LRRC4C: variants seen among roughly 807,000 people sequenced by gnomAD.
LRRC4C encodes the protein leucine rich repeat containing 4C.
LRRC4C carries 5 observed loss-of-function variants against 33.6 expected under a neutral mutation model. The ratio of observed to expected loss-of-function variants is 0.15; its 90% CI spans 0.08 to 0.31. The LOEUF is 0.31. LRRC4C is among the 10% of genes least tolerant of loss of function. The pLI, the probability that LRRC4C is intolerant of heterozygous loss-of-function variation, is 1.00. For missense variants in LRRC4C, 560 were observed against 796.7 expected, an observed-to-expected ratio of 0.70 and a Z score of 3.58; for synonymous variants, 329 against 302.0, an observed-to-expected ratio of 1.09 and a Z score of -0.93.
intron 5 of LRRC4C, among the ~76,000 whole-genome samples, chr11:40,160,536 C>T (rs577504537): frequency 1.3e-5 from 2 of 152,176 alleles, no homozygotes; most frequent in South Asian, 4.1e-4. Context: ...AAGAGCATTG[C>T]CTGCAGAAGT....
chr11:41,307,328 T>C (rs1358841024), intron 1 of LRRC4C, among the ~76,000 whole-genome samples: 3 of 152,128 alleles, frequency 2.0e-5, no homozygotes, highest in Non-Finnish European at 4.4e-5. Context: ...TGTCGTTTAA[T>C]AACCATGGCA....
At chr11:41,185,398 A>G (rs976911839) in intron 1 of LRRC4C, among the ~76,000 whole-genome samples, 5 of 152,218 alleles carry the variant, frequency 3.3e-5, no homozygotes, top group African/African-American at 9.6e-5. Context: ...CAAAGTACAT[A>G]TCTCCAAAGA....
At chr11:40,653,616 C>T (rs1479693966) in intron 2 of LRRC4C, among the ~76,000 whole-genome samples, 1 of 152,142 alleles carries the variant, frequency 6.6e-6, no homozygotes, top group Admixed American at 6.5e-5. Flanking sequence ...GGAATTGAAA[C>T]TTATGTTTAA....
intron 5 of LRRC4C, among the ~76,000 whole-genome samples, chr11:40,168,458 C>T (rs1004090490): frequency 5.3e-5 from 8 of 152,136 alleles, no homozygotes; most frequent in Non-Finnish European, 7.4e-5. Flanking sequence ...TCAATGAATC[C>T]ACTTCACATC....
At position 40,936,056 on chromosome 11, in the gene LRRC4C, ATATATATAT is replaced by A. The variant is rs1565219369; in HGVS notation, c.-495-2342_-495-2334del. On this transcript the variant is annotated intron_variant, in intron 1 of 6. Transcript: ENST00000528697. Reference sequence around the variant, plus strand: ...TATATATATATATATATATATATATATATATATATAACATAGTTTGAACCTTAACTCTGT... The same window carrying A: ...TATATATATATATATATATATATATAAACATAGTTTGAACCTTAACTCTGT... 1.8e-3 allele frequency among the ~76,000 whole-genome samples: 173 copies of A among 97,710 alleles called. 2 individuals are homozygous for A. The highest frequency in any genetic ancestry group is 4.1e-3 in the African/African-American group (105 of 25,906). 64.1% of individuals were successfully genotyped at this position (97,710 alleles called of 152,430 possible).
At chr11:41,161,997 A>G (rs1944493147) in intron 1 of LRRC4C, among the ~76,000 whole-genome samples, 1 of 152,162 alleles carries the variant, frequency 6.6e-6, no homozygotes, top group African/African-American at 2.4e-5. Context: ...ATTTATTTCT[A>G]TAGGATTGGA....
chr11:41,413,513 T>A (rs1366381108), intron 1 of LRRC4C, among the ~76,000 whole-genome samples: 1 of 152,200 alleles, frequency 6.6e-6, no homozygotes, highest in Non-Finnish European at 1.5e-5. Context: ...TGACCATACA[T>A]AACTCTCTGA....
chr11:41,143,441 C>T (rs1240572764), intron 1 of LRRC4C, among the ~76,000 whole-genome samples: 1 of 152,082 alleles, frequency 6.6e-6, no homozygotes, highest in Non-Finnish European at 1.5e-5. Context: ...AGAAGGGCTC[C>T]TACTTTCAAA....
chr11:41,003,700 T>C (rs1353543148), intron 1 of LRRC4C, among the ~76,000 whole-genome samples: 1 of 151,848 alleles, frequency 6.6e-6, no homozygotes. Context: ...AGAGACATCA[T>C]GAGGTCATCT....
intron 3 of LRRC4C, among the ~76,000 whole-genome samples, chr11:40,382,338 T>C (rs1948914451): frequency 6.6e-6 from 1 of 151,666 alleles, no homozygotes; most frequent in Admixed American, 6.6e-5. Context: ...TAATTATTGA[T>C]GGCCTTTTCC....
intron 2 of LRRC4C, among the ~76,000 whole-genome samples, chr11:40,885,191 CATAA>C (rs1283572481): frequency 9.9e-5 from 15 of 152,046 alleles, no homozygotes; most frequent in African/African-American, 3.6e-4. Context: ...ATTCCAAATA[CATAA>C]ATAAACTTTT....
intron 2 of LRRC4C, among the ~76,000 whole-genome samples, chr11:40,684,631 A>T (rs1395758649): frequency 6.6e-6 from 1 of 152,020 alleles, no homozygotes; most frequent in African/African-American, 2.4e-5. Flanking sequence ...ATGCAAAAAA[A>T]GTAAAAATAA....
intron 2 of LRRC4C, among the ~76,000 whole-genome samples, chr11:40,863,688 CAGA>C (rs1257440823): frequency 6.6e-6 from 1 of 152,118 alleles, no homozygotes; most frequent in African/African-American, 2.4e-5. Context: ...GCAAATCTGA[CAGA>C]AGAATAAAGC....
At chr11:41,035,846 T>C (rs1857031414) in intron 1 of LRRC4C, among the ~76,000 whole-genome samples, 1 of 152,096 alleles carries the variant, frequency 6.6e-6, no homozygotes, top group Non-Finnish European at 1.5e-5. Context: ...ATGCTTTAGG[T>C]AAAATAGTGG....
intron 3 of LRRC4C, among the ~76,000 whole-genome samples, chr11:40,352,147 C>CTTCG (rs1555028354): frequency 8.0e-6 from 1 of 125,708 alleles, no homozygotes; most frequent in Non-Finnish European, 1.8e-5. Context: ...TCCTTCCTTC[C>CTTCG]TTCCTTCCTT....
At chr11:40,938,180 G>T (rs773063500) in intron 1 of LRRC4C, among the ~76,000 whole-genome samples, 3 of 152,128 alleles carry the variant, frequency 2.0e-5, no homozygotes, top group African/African-American at 7.2e-5. Context: ...ATGAACAGGC[G>T]CAGGTCTCCT....
chr11:40,733,399 G>GT (rs1033962634), intron 2 of LRRC4C, among the ~76,000 whole-genome samples: 5 of 152,068 alleles, frequency 3.3e-5, no homozygotes, highest in African/African-American at 7.2e-5. Context: ...TTATTAAGGA[G>GT]TTTTTGCCAT....
intron 2 of LRRC4C, among the ~76,000 whole-genome samples, chr11:40,681,448 G>C (rs1944680520): frequency 6.6e-6 from 1 of 152,178 alleles, no homozygotes; most frequent in Admixed American, 6.5e-5. Flanking sequence ...GTAATAGGGT[G>C]CTTATGTAGG....
chr11:40,551,320 T>C (rs1957119429), intron 3 of LRRC4C, among the ~76,000 whole-genome samples: 1 of 149,820 alleles, frequency 6.7e-6, no homozygotes, highest in African/African-American at 2.4e-5. Context: ...ATTTGTTAAA[T>C]GAGGTGGTTG....
Sources: allele counts gnomAD v4.1 joint callset (sites outside exome capture counted in the v4.1 genomes callset), GRCh38; gene constraint gnomAD v4.1.1; transcripts MANE v1.5; gene names NCBI Gene and HGNC (gene_info 2026-07-23, HGNC 2026-07-21).